Variants in NPL observed in about 807,000 individuals in gnomAD.
The protein encoded by NPL is N-acetylneuraminate lyase.
NPL carries 32 observed loss-of-function variants against 41.1 expected under a neutral mutation model. That is an observed-to-expected ratio of 0.78 (90% CI 0.59 to 1.05). The LOEUF is 1.05. Ranked by LOEUF, NPL falls within the 50% of genes least tolerant of loss-of-function variation. The pLI, the probability that NPL is intolerant of heterozygous loss-of-function variation, is 0.00. For missense variants in NPL, 321 were observed against 378.4 expected (o/e 0.85, Z 1.26); for synonymous variants, 128 against 134.9 (o/e 0.95, Z 0.35).
chr1:182,824,053 T>G (rs1330176218), intron 11 of NPL, among the ~76,000 whole-genome samples: 1 of 152,248 alleles, frequency 6.6e-6, no homozygotes, highest in Non-Finnish European at 1.5e-5. Context: ...AGGGCTAAAT[T>G]TATCTCATTC....
At chr1:182,811,724 A>G (rs1667181733) in intron 5 of NPL, among the ~76,000 whole-genome samples, 1 of 152,178 alleles carries the variant, frequency 6.6e-6, no homozygotes, top group Non-Finnish European at 1.5e-5. Context: ...TTCAGCATAT[A>G]TTTCTGCTGT....
chr1:182,817,899 A>T (rs577561080), intron 8 of NPL, among the ~76,000 whole-genome samples: 379 of 152,212 alleles, frequency 2.5e-3, no homozygotes, highest in Non-Finnish European at 4.4e-3. Flanking sequence ...GTTTCTATGG[A>T]GACTTCATTA....
At chr1:182,800,087 T>C (rs1666793437) in intron 3 of NPL, among the ~76,000 whole-genome samples, 1 of 152,140 alleles carries the variant, frequency 6.6e-6, no homozygotes, top group South Asian at 2.1e-4. Flanking sequence ...TCATGGTTAA[T>C]GGCCTCTGGT....
At chr1:182,795,179 A>G (rs1666624408) in intron 3 of NPL, among the ~76,000 whole-genome samples, 1 of 152,208 alleles carries the variant, frequency 6.6e-6, no homozygotes, top group Admixed American at 6.5e-5. Context: ...AAGAGAGTTC[A>G]TCCACCTCCT....
chr1:182,809,385 A>G, intron 5 of NPL: 1 of 284,510 alleles, frequency 3.5e-6, no homozygotes, highest in Non-Finnish European at 7.1e-6. Context: ...CTAAAAATAC[A>G]AAAAAATAGC....
intron 5 of NPL, among the ~76,000 whole-genome samples, chr1:182,811,636 C>T (rs539729750): frequency 2.0e-5 from 3 of 152,202 alleles, no homozygotes; most frequent in South Asian, 4.1e-4. Flanking sequence ...ATAATGGGCT[C>T]GGACTAAATT....
At chr1:182,810,855 G>A (rs938918331) in intron 5 of NPL, among the ~76,000 whole-genome samples, 3 of 152,090 alleles carry the variant, frequency 2.0e-5, no homozygotes, top group African/African-American at 7.2e-5. Context: ...GTTATTATCT[G>A]AATTATTCCA....
intron 5 of NPL, among the ~76,000 whole-genome samples, chr1:182,807,243 G>A (rs1408464886): frequency 6.6e-6 from 1 of 152,144 alleles, no homozygotes; most frequent in East Asian, 1.9e-4. Flanking sequence ...TGACCATCCG[G>A]TAGGGGTGTT....
chr1:182,793,249 AGGT>A (rs1450738452), intron 2 of NPL, among the ~76,000 whole-genome samples: 1 of 152,196 alleles, frequency 6.6e-6, no homozygotes, highest in East Asian at 1.9e-4. Flanking sequence ...GAGTTGAACC[AGGT>A]GGTCTGCCTA....
intron 4 of NPL, among the ~76,000 whole-genome samples, chr1:182,804,651 T>C (rs1666952235): frequency 6.6e-6 from 1 of 152,196 alleles, no homozygotes; most frequent in Non-Finnish European, 1.5e-5. Flanking sequence ...TGTTCTGGGC[T>C]CTCGGACCCT....
rs997048026 is a variant in NPL, at chr1:182,825,660, C to T, written c.739-121C>T. 15 of 739,068 alleles carry T rather than the reference C, an allele frequency of 2.0e-5. No individual in the cohort carries two copies. The African/African-American group carries it at 2.6e-4, about 13-fold the overall frequency. The allele number at this position is 739,068 out of a possible 1,614,324, so 45.8% of individuals were successfully genotyped here. A position where few individuals can be genotyped will look rare whatever the true frequency, so the allele number is the denominator to read the frequency against. On this transcript the variant is annotated intron_variant, in intron 11 of 12. Transcript: ENST00000367553. ...ACTTGGCTATTTTTCTCCACTCTGA[C>T]AGACCTTCAGTAAATGAAGGTGTGC...
intron 12 of NPL, among the ~76,000 whole-genome samples, chr1:182,827,370 TTGTC>T (rs1238964754): frequency 6.6e-6 from 1 of 152,226 alleles, no homozygotes; most frequent in Non-Finnish European, 1.5e-5. Context: ...TCTGAAGGCT[TTGTC>T]TTTCTTTAGT....
At chr1:182,817,173 A>G (rs931670368) in intron 8 of NPL, among the ~76,000 whole-genome samples, 1 of 152,238 alleles carries the variant, frequency 6.6e-6, no homozygotes, top group African/African-American at 2.4e-5. Flanking sequence ...CCTGTAGCAC[A>G]TAGGAAAGTC....
intron 2 of NPL, among the ~76,000 whole-genome samples, chr1:182,793,019 T>C (rs904801108): frequency 6.6e-6 from 1 of 152,226 alleles, no homozygotes; most frequent in Admixed American, 6.5e-5. Flanking sequence ...GTCAGAACTA[T>C]AGCATAACCC....
At chr1:182,825,432 G>A (rs1260071479) in intron 11 of NPL, among the ~76,000 whole-genome samples, 3 of 152,128 alleles carry the variant, frequency 2.0e-5, no homozygotes, top group Non-Finnish European at 4.4e-5. Flanking sequence ...GTGCCCCAGA[G>A]CTTATATGCA....
chr1:182,803,829 T>A, intron 4 of NPL, 58 bp downstream of exon 4: 5 of 1,201,240 alleles, frequency 4.2e-6, no homozygotes, highest in Admixed American at 1.7e-5. Flanking sequence ...AGAAGGTATA[T>A]CTTACCTGGT....
intron 3 of NPL, among the ~76,000 whole-genome samples, chr1:182,799,938 T>C (rs1197419785): frequency 1.3e-5 from 2 of 152,136 alleles, no homozygotes; most frequent in Non-Finnish European, 2.9e-5. Context: ...GAAGAGAAGG[T>C]GCTGTGCAGC....
In NPL at chr1:182,791,890, A is replaced by G. The variant is rs186213910; in HGVS notation, c.-71-342A>G. ...GCCCTGTGGACCTGGGGTTTTGCCTATTTGTCTAGATAAGAGGTAACGAAG... is the reference window on the plus strand; with the variant it reads ...GCCCTGTGGACCTGGGGTTTTGCCTGTTTGTCTAGATAAGAGGTAACGAAG... On this transcript the variant is annotated intron_variant, in intron 1 of 12. Transcript: ENST00000367553. Among the ~76,000 whole-genome samples, 114 of 152,250 alleles carry G rather than the reference A, an allele frequency of 7.5e-4. 1 individual carries two copies. Among genetic ancestry groups the G allele is most frequent in the African/African-American group, 2.6e-3 (109 of 41,528 alleles).
Position 182,818,840 on chromosome 1 carries a change from G to C in NPL, c.634G>C (p.Ala212Pro), listed in dbSNP as rs144645503. 488 of 1,614,116 alleles carry C rather than the reference G, an allele frequency of 3.0e-4. No homozygotes were observed. The African/African-American group carries it at 6.1e-3, about 20-fold the overall frequency. The change falls in exon 10 of 13, where the codon GCA becomes CCA. Residue 212 changes from alanine to proline, a missense_variant. Coordinates refer to ENST00000367553, the MANE Select transcript of NPL (RefSeq NM_030769.3). ...ACTGTTGAGTGCTCTGGTGATGGGA[G>C]CAACTGGAGCAGTGGGCAGGTAAGC... is the stretch of plus-strand genomic sequence containing the variant. Reference protein sequence around the residue: ...EQLLSALVMGATGAVGSTYNY... With the variant: ...EQLLSALVMGPTGAVGSTYNY...
Sources: allele counts gnomAD v4.1 joint callset (sites outside exome capture counted in the v4.1 genomes callset), GRCh38; gene constraint gnomAD v4.1.1; transcripts MANE v1.5; gene names NCBI Gene and HGNC (gene_info 2026-07-23, HGNC 2026-07-21).